TUBGCP3: variants seen among roughly 807,000 people sequenced by gnomAD.
TUBGCP3 encodes the protein tubulin gamma complex component 3, also known as gamma-tubulin complex component 3.
A neutral mutation model predicts 123.1 loss-of-function variants in TUBGCP3; 50 were observed. That is an observed-to-expected ratio of 0.41 (90% CI 0.32 to 0.51). The LOEUF is 0.51. TUBGCP3 is among the 20% of genes least tolerant of loss of function. The probability of loss-of-function intolerance (pLI) is 0.36; values close to 1 mark genes in which losing one functional copy is unlikely to be tolerated. For synonymous variants in TUBGCP3, 405 were observed against 413.9 expected, an observed-to-expected ratio of 0.98 and a Z score of 0.26; for missense variants, 882 against 1,127.0, an observed-to-expected ratio of 0.78 and a Z score of 3.11.
chr13:112,485,697 T>C lies in TUBGCP3; in HGVS notation c.*296A>G, dbSNP rs1458218268. 1 of 338,774 alleles carries C rather than the reference T, an allele frequency of 3.0e-6. No homozygotes were observed. Among genetic ancestry groups the C allele is most frequent in the Non-Finnish European group, 5.3e-6 (1 of 189,126 alleles). The allele number at this position is 338,774 out of a possible 1,614,324, so 21.0% of individuals were successfully genotyped here. A position where few individuals can be genotyped will look rare whatever the true frequency, so the allele number is the denominator to read the frequency against. ...AAAGTGACAAATATAAATTATAACATAGAAAGCTTAAGAAGCCTCAGCAAA... is the reference window on the plus strand; with the variant it reads ...AAAGTGACAAATATAAATTATAACACAGAAAGCTTAAGAAGCCTCAGCAAA... On this transcript the variant is annotated 3_prime_UTR_variant, in exon 22 of 22. Transcript: ENST00000261965.
chr13:112,588,513 T>TA (rs1325080033), upstream of TUBGCP3, among the ~76,000 whole-genome samples: 1 of 152,120 alleles, frequency 6.6e-6, no homozygotes, highest in Non-Finnish European at 1.5e-5. Context: ...TGCAGGGTGT[T>TA]ACGATTGTTA....
chr13:112,489,516 G>C, intron 21 of TUBGCP3, 65 bp downstream of exon 21: 2 of 1,155,536 alleles, frequency 1.7e-6, no homozygotes, highest in South Asian at 2.5e-5. Flanking sequence ...CACTGTGAAA[G>C]CAACTGTCAG....
chr13:112,491,993 C>T (rs1163447481), intron 20 of TUBGCP3, among the ~76,000 whole-genome samples: 1 of 152,180 alleles, frequency 6.6e-6, no homozygotes, highest in African/African-American at 2.4e-5. Flanking sequence ...CCATGCTTTC[C>T]GGTTTGAGGG....
At chr13:112,552,007 T>C (rs1879630687) in intron 8 of TUBGCP3, among the ~76,000 whole-genome samples, 3 of 152,158 alleles carry the variant, frequency 2.0e-5, no homozygotes, top group Admixed American at 2.0e-4. Context: ...ATCACACTCC[T>C]ATGAAACTAA....
intron 1 of TUBGCP3, among the ~76,000 whole-genome samples, chr13:112,572,352 C>T (rs750013613): frequency 6.6e-6 from 1 of 152,156 alleles, no homozygotes; most frequent in Non-Finnish European, 1.5e-5. Flanking sequence ...AGGTTTGTTA[C>T]ATAGGTATAC....
chr13:112,489,225 C>G (rs1252706083), intron 21 of TUBGCP3, among the ~76,000 whole-genome samples: 1 of 149,936 alleles, frequency 6.7e-6, no homozygotes, highest in African/African-American at 2.5e-5. Context: ...CACAGGGGAG[C>G]ACAGGGGCCA....
chr13:112,575,029 C>T (rs1881701411), intron 1 of TUBGCP3, among the ~76,000 whole-genome samples: 1 of 152,220 alleles, frequency 6.6e-6, no homozygotes, highest in South Asian at 2.1e-4. Flanking sequence ...CCGCAGTGGG[C>T]TGCCCCATTC....
intron 11 of TUBGCP3, among the ~76,000 whole-genome samples, chr13:112,537,369 A>T (rs182031380): frequency 1.6e-4 from 25 of 152,132 alleles, no homozygotes; most frequent in African/African-American, 6.0e-4. Flanking sequence ...AGGGTACTGA[A>T]TCTCATCAAA....
At chr13:112,577,914 T>C (rs913224059) in intron 1 of TUBGCP3, among the ~76,000 whole-genome samples, 9 of 152,216 alleles carry the variant, frequency 5.9e-5, no homozygotes, top group Non-Finnish European at 7.3e-5. Flanking sequence ...GGGAAAAAGC[T>C]TTCTTTGGTA....
intron 1 of TUBGCP3, among the ~76,000 whole-genome samples, chr13:112,582,553 C>T (rs1419530521): frequency 3.3e-5 from 5 of 152,196 alleles, no homozygotes; most frequent in Admixed American, 6.5e-5. Flanking sequence ...CAGGGAAGGG[C>T]GGCACTGGAC....
Position 112,516,580 on chromosome 13 carries a change from G to A in TUBGCP3, c.1951-5C>T. ...CATACATTCTCGAGTAAACACCTGGGATAACAGCAGAAGACAAGTTGATAG... is the reference window on the plus strand; with the variant it reads ...CATACATTCTCGAGTAAACACCTGGAATAACAGCAGAAGACAAGTTGATAG... On this transcript the variant is annotated splice_polypyrimidine_tract_variant and splice_region_variant and intron_variant, in intron 16 of 21. Transcript: ENST00000261965. 1.7e-5 allele frequency: 28 copies of A among 1,611,798 alleles called. No homozygotes were observed. The highest frequency in any genetic ancestry group is 2.4e-5 in the Non-Finnish European group (28 of 1,179,032).
intron 11 of TUBGCP3, among the ~76,000 whole-genome samples, chr13:112,540,587 A>C (rs1878439846): frequency 6.7e-6 from 1 of 148,158 alleles, no homozygotes; most frequent in African/African-American, 2.5e-5. Context: ...ACGTCAATGT[A>C]GTAGCCTATG....
chr13:112,542,886 G>C (rs755925206), intron 11 of TUBGCP3, among the ~76,000 whole-genome samples: 4 of 152,128 alleles, frequency 2.6e-5, no homozygotes, highest in Non-Finnish European at 4.4e-5. Flanking sequence ...GGTGGCTCAC[G>C]CCTGTAATCC....
intron 11 of TUBGCP3, among the ~76,000 whole-genome samples, chr13:112,531,388 C>G (rs1426486152): frequency 1.3e-5 from 2 of 152,214 alleles, no homozygotes; most frequent in African/African-American, 4.8e-5. Flanking sequence ...GAGGCGTCAT[C>G]GACTTAACCT....
Position 112,548,295 on chromosome 13 carries a change from T to C in TUBGCP3, c.967-119A>G, listed in dbSNP as rs527457725. 4.0e-5 allele frequency: 23 copies of C among 572,616 alleles called. No individual in the cohort carries two copies. In the East Asian group the frequency reaches 7.1e-4, roughly 18 times the overall value. The allele number at this position is 572,616 out of a possible 1,614,324, so 35.5% of individuals were successfully genotyped here. ...AGGTGGGGTGCTACAAGATTTAAAT[T>C]CAGGTTTTGTCAATAATCTTCTAAT... On this transcript the variant is annotated intron_variant, in intron 8 of 21. Coordinates refer to ENST00000261965, the MANE Select transcript of TUBGCP3 (RefSeq NM_006322.6).
intron 1 of TUBGCP3, among the ~76,000 whole-genome samples, chr13:112,586,156 A>G (rs992018549): frequency 4.0e-5 from 6 of 151,798 alleles, no homozygotes; most frequent in Non-Finnish European, 8.8e-5. Flanking sequence ...GGAGAATGGC[A>G]TGAACCCGGA....
intron 19 of TUBGCP3, among the ~76,000 whole-genome samples, chr13:112,502,956 G>A (rs899738205): frequency 6.6e-6 from 1 of 152,112 alleles, no homozygotes; most frequent in African/African-American, 2.4e-5. Flanking sequence ...AAGCAGCTTT[G>A]ATCTTAACCA....
intron 1 of TUBGCP3, among the ~76,000 whole-genome samples, chr13:112,571,016 TCTC>T (rs1387669206): frequency 6.6e-6 from 1 of 152,170 alleles, no homozygotes; most frequent in Non-Finnish European, 1.5e-5. Flanking sequence ...CTCTTCTACT[TCTC>T]CTGCTATTGC....
In TUBGCP3 at chr13:112,542,648, T is replaced by C. The variant is rs573389053; in HGVS notation, c.1335+3051A>G. Among the ~76,000 whole-genome samples, 233 of 152,290 alleles carry C rather than the reference T, an allele frequency of 1.5e-3. 2 individuals carry two copies. Among genetic ancestry groups the C allele is most frequent in the Admixed American group, 0.014 (213 of 15,298 alleles). ...GTATATGTATTTTAACATTGAACATTATATAAAATTTAAACTAAGAATTGA... is the reference window on the plus strand; with the variant it reads ...GTATATGTATTTTAACATTGAACATCATATAAAATTTAAACTAAGAATTGA... On this transcript the variant is annotated intron_variant, in intron 11 of 21. Coordinates refer to ENST00000261965, the MANE Select transcript of TUBGCP3 (RefSeq NM_006322.6).
Sources: gnomAD v4.1 joint callset for allele counts (sites outside exome capture counted in the v4.1 genomes callset) on GRCh38, gnomAD v4.1.1 for gene constraint, MANE v1.5 for transcripts, NCBI Gene and HGNC (gene_info 2026-07-23, HGNC 2026-07-21) for gene names.